The following MAP4K1 variants were observed in gnomAD, a reference collection of about 807,000 sequenced individuals.
The protein encoded by MAP4K1 is MAPK/ERK kinase kinase kinase 1.
MAP4K1 carries 35 observed loss-of-function variants against 122.8 expected under a neutral mutation model. The observed-to-expected ratio is 0.29, with a 90% CI of 0.22 to 0.38. The LOEUF is 0.38. MAP4K1 is among the 10% of genes least tolerant of loss of function. The pLI, the probability that MAP4K1 is intolerant of heterozygous loss-of-function variation, is 1.00. For missense variants in MAP4K1, 791 were observed against 1,072.6 expected, an observed-to-expected ratio of 0.74 and a Z score of 3.67; for synonymous variants, 412 against 421.3, an observed-to-expected ratio of 0.98 and a Z score of 0.27.
At chr19:38,606,375 C>G (rs1975329791) in intron 16 of MAP4K1, among the ~76,000 whole-genome samples, 160 bp from the exon 17 acceptor site, 1 of 152,216 alleles carries the variant, frequency 6.6e-6, no homozygotes, top group Non-Finnish European at 1.5e-5. Flanking sequence ...GGATTAATAG[C>G]CAGGCTGGAC....
rs372829550 is a variant in MAP4K1 at position 38,599,965 on chromosome 19, C to T, written c.1629G>A (p.Thr543=). Residue 543 remains threonine (T), a synonymous_variant, in exon 22 of 31, where the codon ACG becomes ACA. Coordinates refer to ENST00000396857, the MANE Select transcript of MAP4K1 (RefSeq NM_001042600.3). ...GAACGTTGTTGATGGAGTACACCCACGTAGTCCGGCTAGGAAAGAGCTGCA... is the reference window on the plus strand; with the variant it reads ...GAACGTTGTTGATGGAGTACACCCATGTAGTCCGGCTAGGAAAGAGCTGCA... The part of the protein sequence containing the change: ...TLEMLFPSRT[T]WVYSINNVLM... 11 of 1,614,068 alleles carry T rather than the reference C, an allele frequency of 6.8e-6. No individual in the cohort carries two copies. The highest frequency in any genetic ancestry group is 2.2e-5 in the South Asian group (2 of 91,086).
rs182558826 is a variant in MAP4K1 at position 38,606,015 on chromosome 19, G to T, written c.1200+158C>A. ...TAAATATTTTGAATCCGACCCTGAGGTTGAGGGATGCCACTTCCAGATCCC... is the reference window on the plus strand; with the variant it reads ...TAAATATTTTGAATCCGACCCTGAGTTTGAGGGATGCCACTTCCAGATCCC... On this transcript the variant is annotated intron_variant, in intron 17 of 30. Transcript: ENST00000396857. Among the ~76,000 whole-genome samples the T allele has an allele frequency of 1.3e-3, 192 of 152,350 alleles. 2 individuals carry two copies. Among genetic ancestry groups the T allele is most frequent in the Non-Finnish European group, 2.3e-3 (157 of 68,042 alleles).
At chr19:38,602,491 T>C (rs554312653) in intron 19 of MAP4K1, among the ~76,000 whole-genome samples, 54 of 131,288 alleles carry the variant, frequency 4.1e-4, no homozygotes, top group Middle Eastern at 7.6e-3. Context: ...CACATATACA[T>C]ATATACATAT....
intron 4 of MAP4K1, 99 bp from the exon 5 acceptor site, chr19:38,614,544 G>A (rs1199884892): frequency 3.4e-5 from 44 of 1,305,238 alleles, no homozygotes; most frequent in Middle Eastern, 1.8e-4. Flanking sequence ...GGGTGCCATA[G>A]GGAGAGGGGA....
intron 8 of MAP4K1, 57 bp downstream of exon 8, chr19:38,613,823 G>T: frequency 7.2e-7 from 1 of 1,382,468 alleles, no homozygotes; most frequent in Non-Finnish European, 1.0e-6. Context: ...GGGAACCAGG[G>T]TAGGAAAAAC....
At chr19:38,606,124 C>G (rs1443321320) in intron 17 of MAP4K1, 49 bp downstream of exon 17, 1 of 1,469,842 alleles carries the variant, frequency 6.8e-7, no homozygotes, top group East Asian at 2.3e-5. Context: ...CCTCCTGGCC[C>G]CCAGTGGCCC....
rs200072842 is a variant in MAP4K1, at chr19:38,604,128, C to CAAAAA, written c.1446+1276_1446+1280dup. Among the ~76,000 whole-genome samples, 103 of 53,472 alleles carry CAAAAA rather than the reference C, an allele frequency of 1.9e-3. 3 individuals are homozygous for CAAAAA. The highest frequency in any genetic ancestry group is 4.0e-3 in the African/African-American group (66 of 16,396). The allele number at this position is 53,472 out of a possible 152,430, so 35.1% of individuals were successfully genotyped here. A position where few individuals can be genotyped will look rare whatever the true frequency, so the allele number is the denominator to read the frequency against. On this transcript the variant is annotated intron_variant, in intron 19 of 30. Transcript: ENST00000396857. ...TGGGCGACAGAGCGAGATACTATCT[C>CAAAAA]AAAAAAAAAAAAAAAAAAAAAAAAA...
At position 38,600,004 on chromosome 19, in the gene MAP4K1, A is replaced by G; in HGVS notation, c.1609-19T>C. On this transcript the variant is annotated intron_variant, in intron 21 of 30. Transcript: ENST00000396857. ...GAAAGAGCTGCAGGGAATGGGAGAG[A>G]TGGCTCTGGTGACACCCCAGCAACC... 6.2e-7 allele frequency: 1 copy of G among 1,614,116 alleles called. No homozygotes were observed. The highest frequency in any genetic ancestry group is 1.3e-5 in the African/African-American group (1 of 75,040).
At chr19:38,596,911 G>T (rs1974905797) in intron 25 of MAP4K1, 123 bp downstream of exon 25, 1 of 900,832 alleles carries the variant, frequency 1.1e-6, no homozygotes, top group Non-Finnish European at 1.7e-6. Flanking sequence ...GCGGGGCCTC[G>T]GGAGATTGGG....
At position 38,595,931 on chromosome 19, in the gene MAP4K1, G is replaced by A. The variant is rs767422485; in HGVS notation, c.2179+8C>T. 3.1e-6 allele frequency: 5 copies of A among 1,612,948 alleles called. No homozygotes were observed. Among genetic ancestry groups the A allele is most frequent in the Admixed American group, 1.7e-5 (1 of 59,972 alleles). On this transcript the variant is annotated splice_region_variant and intron_variant, in intron 27 of 30. Transcript: ENST00000396857. Reference sequence around the variant, plus strand: ...GTGGGGAGGAAGGGGAGGAAGGAGGGTTCTCACCATCCATCAACACCATCA... The same window carrying A: ...GTGGGGAGGAAGGGGAGGAAGGAGGATTCTCACCATCCATCAACACCATCA...
chr19:38,604,128 CA>C (rs200072842), intron 19 of MAP4K1, among the ~76,000 whole-genome samples: 1,275 of 53,404 alleles, frequency 0.024, 1 homozygote, highest in African/African-American at 0.049. Context: ...GATACTATCT[CA>C]AAAAAAAAAA....
intron 13 of MAP4K1, among the ~76,000 whole-genome samples, chr19:38,608,424 G>A (rs1217381847): frequency 1.3e-5 from 2 of 151,978 alleles, no homozygotes; most frequent in Admixed American, 1.3e-4. Context: ...AGGCTGAGGT[G>A]GGCAGATCGC....
intron 29 of MAP4K1, among the ~76,000 whole-genome samples, chr19:38,594,283 G>C (rs1183799776): frequency 1.3e-5 from 2 of 151,832 alleles, no homozygotes; most frequent in African/African-American, 4.8e-5. Flanking sequence ...GAAAGTCAAG[G>C]CTACAGCTAG....
chr19:38,604,567 G>A (rs1324865854), intron 19 of MAP4K1, among the ~76,000 whole-genome samples: 1 of 151,938 alleles, frequency 6.6e-6, no homozygotes, highest in East Asian at 1.9e-4. Context: ...GAGGCGGGCA[G>A]ATCACAAGGT....
Position 38,597,421 on chromosome 19 carries a change from C to T in MAP4K1, c.1779-37G>A. 6.2e-7 allele frequency: 1 copy of T among 1,613,406 alleles called. No individual in the cohort carries two copies. The highest frequency in any genetic ancestry group is 8.5e-7 in the Non-Finnish European group (1 of 1,179,416). Reference sequence around the variant, plus strand: ...GTAGGTGTGAAGGGGGGTAGGACAGCAGGAGGCAGAGGGGCATGGGAGGAA... The same window carrying T: ...GTAGGTGTGAAGGGGGGTAGGACAGTAGGAGGCAGAGGGGCATGGGAGGAA... On this transcript the variant is annotated intron_variant, in intron 23 of 30. Coordinates refer to ENST00000396857, the MANE Select transcript of MAP4K1 (RefSeq NM_001042600.3). The surrounding 1 kb of genome is among the most constrained non-coding windows in gnomAD (Gnocchi z 4.6).
Position 38,606,196 on chromosome 19 carries a change from T to C in MAP4K1, c.1177A>G (p.Thr393Ala). 1 of 1,573,408 alleles carries C rather than the reference T, an allele frequency of 6.4e-7. No homozygotes were observed. The change falls in exon 17 of 31, where the codon ACA (threonine) becomes GCA (alanine). Residue 393 changes from threonine (T) to alanine (A), a missense_variant. Physicochemically the swap from Thr to Ala is moderately conservative, Grantham distance 58. Transcript: ENST00000396857. ...DVDIPTPAED[T>A]PPPLPPKPKF... ...ACCTTGGGGGGAAGTGGAGGAGGTG[T>C]GTCCTCTGCAGGGGTGGGGCTGAAA...
chr19:38,607,706 G>T (rs997796223), intron 16 of MAP4K1, among the ~76,000 whole-genome samples, 158 bp downstream of exon 16: 4 of 151,944 alleles, frequency 2.6e-5, no homozygotes, highest in Non-Finnish European at 5.9e-5. Context: ...CTGGGCAGAG[G>T]GGCTGCATTG....
Position 38,605,983 on chromosome 19 carries a change from A to G in MAP4K1, c.1200+190T>C, listed in dbSNP as rs372212946. On this transcript the variant is annotated intron_variant, in intron 17 of 30. Transcript: ENST00000396857. ...TAGGACCAGCTACTGACCAGTGTCT[A>G]AGAGGCTAAATATTTTGAATCCGAC... 3.9e-5 allele frequency among the ~76,000 whole-genome samples: 6 copies of G among 152,278 alleles called. No homozygotes were observed. In the East Asian group the frequency reaches 1.2e-3, roughly 29 times the overall value.
chr19:38,603,204 A>G (rs1412732623), intron 19 of MAP4K1, among the ~76,000 whole-genome samples: 2 of 144,944 alleles, frequency 1.4e-5, no homozygotes, highest in Non-Finnish European at 3.1e-5. Flanking sequence ...ACATATATAC[A>G]CATACATATA....
Sources: allele counts gnomAD v4.1 joint callset (sites outside exome capture counted in the v4.1 genomes callset), GRCh38; gene constraint gnomAD v4.1.1; non-coding constraint Gnocchi (gnomAD v3.1); transcripts MANE v1.5; gene names NCBI Gene and HGNC (gene_info 2026-07-23, HGNC 2026-07-21).